JAZF1: variants seen among roughly 807,000 people sequenced by gnomAD.
JAZF1 encodes JAZF zinc finger 1, also known as juxtaposed with another zinc finger protein 1.
A neutral mutation model predicts 26.4 loss-of-function variants in JAZF1; 8 were observed. The ratio of observed to expected loss-of-function variants is 0.30; its 90% CI spans 0.18 to 0.55. The LOEUF is 0.55. Among genes scored for constraint, JAZF1 ranks in the 20% least tolerant of loss-of-function variants. The pLI, the probability that JAZF1 is intolerant of heterozygous loss-of-function variation, is 0.94. For synonymous variants in JAZF1, 126 were observed against 122.3 expected, an observed-to-expected ratio of 1.03 and a Z score of -0.20; for missense variants, 199 against 322.0, an observed-to-expected ratio of 0.62 and a Z score of 2.92.
chr7:28,086,276 G>A (rs1784210766), intron 1 of JAZF1, among the ~76,000 whole-genome samples: 1 of 152,186 alleles, frequency 6.6e-6, no homozygotes, highest in African/African-American at 2.4e-5. Context: ...AAGGCAATTA[G>A]AGCAGCCAGG....
At position 28,101,087 on chromosome 7, in the gene JAZF1, T is replaced by C. The variant is rs113707431; in HGVS notation, c.115+79376A>G. 3.6e-3 allele frequency among the ~76,000 whole-genome samples: 549 copies of C among 152,352 alleles called. 1 individual carries two copies. The highest frequency in any genetic ancestry group is 6.9e-3 in the Admixed American group (105 of 15,306). The stretch of plus-strand genomic sequence containing the variant: ...ACATTTTCAGAACTGCTTTGAAGCA[T>C]ATTTAGTGACTTAATGACATAAGCA... On this transcript the variant is annotated intron_variant, in intron 1 of 4. Transcript: ENST00000283928.
chr7:27,963,902 G>A (rs1428709573), intron 2 of JAZF1, among the ~76,000 whole-genome samples: 6 of 152,114 alleles, frequency 3.9e-5, no homozygotes, highest in Non-Finnish European at 7.4e-5. Context: ...GTAGATTGAA[G>A]ATTAAAGGGC....
At chr7:27,910,061 A>G (rs901639278) in intron 2 of JAZF1, among the ~76,000 whole-genome samples, 9 of 152,354 alleles carry the variant, frequency 5.9e-5, no homozygotes, top group African/African-American at 1.7e-4. Context: ...TATAGAGTCT[A>G]TACCATTGAA....
At chr7:28,000,944 A>C (rs1786143296) in intron 1 of JAZF1, among the ~76,000 whole-genome samples, 1 of 152,154 alleles carries the variant, frequency 6.6e-6, no homozygotes, top group African/African-American at 2.4e-5. Flanking sequence ...AATGGAGACA[A>C]ATAAATTGAA....
At chr7:28,097,437 A>G (rs187729438) in intron 1 of JAZF1, among the ~76,000 whole-genome samples, 1 of 152,348 alleles carries the variant, frequency 6.6e-6, no homozygotes, top group Non-Finnish European at 1.5e-5. Flanking sequence ...GGTGTCTCTA[A>G]TTCCACAGAG....
chr7:28,064,240 C>T (rs1783844798), intron 1 of JAZF1, among the ~76,000 whole-genome samples: 1 of 151,964 alleles, frequency 6.6e-6, no homozygotes. Context: ...ATTTTAATTT[C>T]CCCCCAAAAT....
Position 28,017,861 on chromosome 7 carries a change from C to T in JAZF1, c.116-25880G>A, listed in dbSNP as rs185499255. On this transcript the variant is annotated intron_variant, in intron 1 of 4. Coordinates refer to ENST00000283928, the MANE Select transcript of JAZF1 (RefSeq NM_175061.4). ...CGATCTCGGTTCACTGCAACCTCCA[C>T]CTCCGGGGTTCAAGCGATTCTTGTG... Among the ~76,000 whole-genome samples the T allele has an allele frequency of 5.2e-3, 796 of 152,344 alleles. 4 individuals are homozygous for T. Among genetic ancestry groups the T allele is most frequent in the Middle Eastern group, 0.014 (4 of 294 alleles).
chr7:28,040,288 T>G (rs1354828047), intron 1 of JAZF1, among the ~76,000 whole-genome samples: 1 of 152,200 alleles, frequency 6.6e-6, no homozygotes, highest in East Asian at 1.9e-4. Flanking sequence ...GTGCCAACTA[T>G]GTGCCAGGCA....
At chr7:28,015,141 G>T (rs1782866351) in intron 1 of JAZF1, among the ~76,000 whole-genome samples, 1 of 152,052 alleles carries the variant, frequency 6.6e-6, no homozygotes, top group Non-Finnish European at 1.5e-5. Context: ...AAGTTTGAGA[G>T]CTACTGACAG....
At chr7:28,096,440 A>G (rs977420532) in intron 1 of JAZF1, among the ~76,000 whole-genome samples, 3 of 152,266 alleles carry the variant, frequency 2.0e-5, no homozygotes, top group African/African-American at 7.2e-5. Context: ...TTACAGACAT[A>G]ATGAAAATCT....
intron 1 of JAZF1, among the ~76,000 whole-genome samples, chr7:28,043,627 C>G (rs1783443261): frequency 6.6e-6 from 1 of 152,068 alleles, no homozygotes; most frequent in Non-Finnish European, 1.5e-5. Context: ...ACGGGCAATT[C>G]CACTCTTAGG....
At chr7:28,071,293 C>A (rs1252429780) in intron 1 of JAZF1, among the ~76,000 whole-genome samples, 1 of 152,186 alleles carries the variant, frequency 6.6e-6, no homozygotes, top group Non-Finnish European at 1.5e-5. Context: ...CTCATCACAG[C>A]ATACTCTTCC....
At chr7:28,150,987 G>A (rs1191866152) in intron 1 of JAZF1, among the ~76,000 whole-genome samples, 2 of 152,044 alleles carry the variant, frequency 1.3e-5, no homozygotes, top group East Asian at 1.9e-4. Context: ...TAAGGCAAAT[G>A]GAAAAGCACA....
chr7:27,994,905 G>A (rs1785983110), intron 1 of JAZF1, among the ~76,000 whole-genome samples: 1 of 152,162 alleles, frequency 6.6e-6, no homozygotes, highest in African/African-American at 2.4e-5. Context: ...GTAACTGTCT[G>A]ATGCTAAAAA....
chr7:28,049,263 T>C lies in JAZF1; in HGVS notation c.116-57282A>G, dbSNP rs766790315. 6.1e-4 allele frequency among the ~76,000 whole-genome samples: 92 copies of C among 151,762 alleles called. 1 individual carries two copies. The highest frequency in any genetic ancestry group is 1.1e-3 in the Non-Finnish European group (75 of 67,914). ...ACAGCTGGCTAATTTTTTGTATTTT[T>C]AGTAGAGACAGGGTTTCACCATACT... is the stretch of plus-strand genomic sequence containing the variant. On this transcript the variant is annotated intron_variant, in intron 1 of 4. Transcript: ENST00000283928.
intron 1 of JAZF1, among the ~76,000 whole-genome samples, chr7:28,103,076 AC>A (rs1273057621): frequency 6.6e-6 from 1 of 151,988 alleles, no homozygotes; most frequent in African/African-American, 2.4e-5. Context: ...GCTAGGGATG[AC>A]CAGTCCCTTC....
At chr7:27,899,381 C>T (rs115733485) in intron 2 of JAZF1, among the ~76,000 whole-genome samples, 1,534 of 152,332 alleles carry the variant, frequency 0.01, 31 homozygotes, top group African/African-American at 0.035. Context: ...CTAAGCTTTC[C>T]TCAATGAGTC....
chr7:27,857,040 C>T (rs927380789), intron 3 of JAZF1, among the ~76,000 whole-genome samples: 2 of 152,264 alleles, frequency 1.3e-5, no homozygotes, highest in African/African-American at 2.4e-5. Context: ...CTGCCAGTCC[C>T]GCGCCGTGTG....
intron 1 of JAZF1, chr7:28,020,692 T>A: frequency 2.1e-6 from 1 of 471,236 alleles, no homozygotes; most frequent in East Asian, 6.9e-5. Context: ...AAGGAACTGC[T>A]GATGAATGTG....
Sources: gnomAD v4.1 joint callset for allele counts (sites outside exome capture counted in the v4.1 genomes callset) on GRCh38, gnomAD v4.1.1 for gene constraint, MANE v1.5 for transcripts, NCBI Gene and HGNC (gene_info 2026-07-23, HGNC 2026-07-21) for gene names.